The following ARMH1 variants were observed in gnomAD, a reference collection of about 807,000 sequenced individuals.
ARMH1 encodes the protein armadillo-like helical domain containing protein 1.
Under a neutral mutation model 50.2 loss-of-function variants are expected in ARMH1, and 34 were observed. The ratio of observed to expected loss-of-function variants is 0.68; its 90% CI spans 0.51 to 0.90. The LOEUF is 0.90. ARMH1 is among the 40% of genes least tolerant of loss of function. The pLI is 0.00. For synonymous variants in ARMH1, 221 were observed against 224.2 expected (o/e 0.99, Z 0.13); for missense variants, 538 against 553.9 (o/e 0.97, Z 0.29).
intron 10 of ARMH1, 91 bp from the exon 11 acceptor site, chr1:44,725,044 GC>G: frequency 2.0e-6 from 3 of 1,531,780 alleles, no homozygotes; most frequent in African/African-American, 1.4e-5. Flanking sequence ...CTGCCGACCC[GC>G]CCCCCACCTG....
chr1:44,700,725 T>C (rs984080937), intron 4 of ARMH1, among the ~76,000 whole-genome samples, 198 bp from the exon 5 acceptor site: 1 of 152,162 alleles, frequency 6.6e-6, no homozygotes, highest in Non-Finnish European at 1.5e-5. Context: ...GACATGCCTA[T>C]GCTGAAATAA....
rs1053697600 is a variant in ARMH1, at chr1:44,697,175, G to A, written c.275+5G>A. ...CTTCTTATCAGCTGTAAGCAGGTGA[G>A]TTCTGTTCTAGCGTGATTCTGGGGG... On this transcript the variant is annotated splice_donor_5th_base_variant and intron_variant, in intron 3 of 11. Transcript: ENST00000535358. 7.1e-6 allele frequency: 11 copies of A among 1,550,674 alleles called. No homozygotes were observed. Among genetic ancestry groups the A allele is most frequent in the South Asian group, 2.4e-5 (2 of 84,028 alleles).
In ARMH1 at chr1:44,689,883, G is replaced by A. The variant is rs756274979; in HGVS notation, c.186G>A (p.Leu62=). Residue 62 remains leucine, a synonymous_variant, in exon 2 of 12, where the codon TTG becomes TTA. Transcript: ENST00000535358. ...GAGCCAGTTTGTTCCTGGTACGCTTGACCACCTCGCTTAGAATCACGTATC... is the reference window on the plus strand; with the variant it reads ...GAGCCAGTTTGTTCCTGGTACGCTTAACCACCTCGCTTAGAATCACGTATC... The part of the protein sequence containing the change: ...SQGASLFLVR[L]TTSLRITYMT... 2 of 1,550,486 alleles carry A rather than the reference G, an allele frequency of 1.3e-6. No homozygotes were observed. Among genetic ancestry groups the A allele is most frequent in the South Asian group, 2.4e-5 (2 of 83,966 alleles).
chr1:44,714,278 GAA>G (rs879914972), intron 6 of ARMH1, among the ~76,000 whole-genome samples: 1 of 110,354 alleles, frequency 9.1e-6, no homozygotes, highest in Non-Finnish European at 1.9e-5. Context: ...TCAAAAAAAA[GAA>G]AAAAAAAAAA....
At chr1:44,693,745 C>T (rs1176037012) in intron 2 of ARMH1, among the ~76,000 whole-genome samples, 22 of 152,124 alleles carry the variant, frequency 1.4e-4, no homozygotes, top group Admixed American at 1.4e-3. Context: ...TGTGAGCTAC[C>T]ATGTCTGGCC....
chr1:44,721,787 G>C (rs191460263), intron 6 of ARMH1: 5 of 151,876 alleles, frequency 3.3e-5, no homozygotes, highest in Admixed American at 6.6e-5. Context: ...AGAACATTCA[G>C]CCTTGCCTAG....
At chr1:44,688,539 G>C (rs544549645) in intron 1 of ARMH1, among the ~76,000 whole-genome samples, 1 of 152,166 alleles carries the variant, frequency 6.6e-6, no homozygotes, top group Non-Finnish European at 1.5e-5. Flanking sequence ...AACAGTCTTC[G>C]TGAAATACAC....
At chr1:44,680,485 T>C (rs150213857) in intron 1 of ARMH1, among the ~76,000 whole-genome samples, 1 of 152,248 alleles carries the variant, frequency 6.6e-6, no homozygotes, top group African/African-American at 2.4e-5. Flanking sequence ...GGGCCAAGTT[T>C]TGAAGGGCCT....
At position 44,681,227 on chromosome 1, in the gene ARMH1, C is replaced by T. The variant is rs1490078304; in HGVS notation, c.-23+6354C>T. Reference sequence around the variant, plus strand: ...AGCCAGGATGGTCTCGATCTCCTGACCTCGTGATCTGTCTGCCTCAGCCTC... The same window carrying T: ...AGCCAGGATGGTCTCGATCTCCTGATCTCGTGATCTGTCTGCCTCAGCCTC... On this transcript the variant is annotated intron_variant, in intron 1 of 11. Transcript: ENST00000535358. This position sits in a 1 kb window ranked among gnomAD's most constrained non-coding sequence, Gnocchi z 4.3. Among the ~76,000 whole-genome samples, 4 of 152,014 alleles carry T rather than the reference C, an allele frequency of 2.6e-5. No homozygotes were observed. In the East Asian group the frequency reaches 5.8e-4, roughly 22 times the overall value.
intron 1 of ARMH1, among the ~76,000 whole-genome samples, chr1:44,675,856 A>C (rs575595201): frequency 6.6e-6 from 1 of 152,160 alleles, no homozygotes; most frequent in East Asian, 1.9e-4. Context: ...GCTACTTGGG[A>C]GGCTGAGGCA....
intron 6 of ARMH1, chr1:44,721,963 C>A (rs531146479): frequency 6.6e-6 from 1 of 152,282 alleles, no homozygotes; most frequent in East Asian, 1.9e-4. Flanking sequence ...ACTTACGGTG[C>A]CTTTGGACCT....
chr1:44,698,364 C>A, intron 4 of ARMH1, 135 bp downstream of exon 4: 1 of 658,234 alleles, frequency 1.5e-6, no homozygotes, highest in Non-Finnish European at 2.3e-6. Flanking sequence ...GTCCATGTCA[C>A]CACTGGAAGA....
At chr1:44,720,759 G>C (rs1647070217) in intron 6 of ARMH1, among the ~76,000 whole-genome samples, 1 of 152,156 alleles carries the variant, frequency 6.6e-6, no homozygotes, top group Non-Finnish European at 1.5e-5. Flanking sequence ...TCTCAGGCCG[G>C]GCGTGGTGGC....
intron 4 of ARMH1, among the ~76,000 whole-genome samples, chr1:44,698,504 T>C (rs1041932769): frequency 1.3e-5 from 2 of 152,192 alleles, no homozygotes; most frequent in Non-Finnish European, 2.9e-5. Flanking sequence ...TGTGGCCCAA[T>C]ATCTTTTGTG....
At chr1:44,680,021 T>C (rs1645255948) in intron 1 of ARMH1, among the ~76,000 whole-genome samples, 1 of 151,260 alleles carries the variant, frequency 6.6e-6, no homozygotes, top group Non-Finnish European at 1.5e-5. Flanking sequence ...TCCCAGGGAG[T>C]TTGCCAAAGG....
At chr1:44,697,319 G>A (rs542546778) in intron 3 of ARMH1, 149 bp downstream of exon 3, 80 of 648,524 alleles carry the variant, frequency 1.2e-4, no homozygotes, top group African/African-American at 1.0e-3. Flanking sequence ...AATGTCCACC[G>A]GGCTCCTGCT....
chr1:44,699,909 A>G (rs1302953092), intron 4 of ARMH1, among the ~76,000 whole-genome samples: 1 of 149,882 alleles, frequency 6.7e-6, no homozygotes, highest in East Asian at 2.0e-4. Context: ...AGCTCACTAC[A>G]ACCTCCACCT....
At chr1:44,674,969 G>C (rs1413651497) in intron 1 of ARMH1, 96 bp downstream of exon 1, 1 of 152,368 alleles carries the variant, frequency 6.6e-6, no homozygotes, top group Admixed American at 6.5e-5. Context: ...ATGGATGGAT[G>C]GATGGATGGG....
rs1648028562 is a variant in ARMH1, at chr1:44,724,800, G to A, written c.1089G>A (p.Val363=). Reference sequence around the variant, plus strand: ...TGTTCCCCTTGGTGGCGGAGCACGTGCGCAAGTGCATGGGGGAGGAACTCT... The same window carrying A: ...TGTTCCCCTTGGTGGCGGAGCACGTACGCAAGTGCATGGGGGAGGAACTCT... ...VQMFPLVAEH[V]RKCMGEELYQ... is the part of the protein sequence containing the mutation. Residue 363 remains valine (V), a synonymous_variant, in exon 10 of 12, where the codon GTG becomes GTA. Coordinates refer to ENST00000535358, the MANE Select transcript of ARMH1 (RefSeq NM_001145636.2). This position sits in a 1 kb window ranked among gnomAD's most constrained non-coding sequence, Gnocchi z 6.4. 6.5e-7 allele frequency: 1 copy of A among 1,543,654 alleles called. No individual in the cohort carries two copies. Among genetic ancestry groups the A allele is most frequent in the Non-Finnish European group, 8.7e-7 (1 of 1,146,754 alleles).
Sources: allele counts gnomAD v4.1 joint callset (sites outside exome capture counted in the v4.1 genomes callset), GRCh38; gene constraint gnomAD v4.1.1; non-coding constraint Gnocchi (gnomAD v3.1); transcripts MANE v1.5; gene names NCBI Gene and HGNC (gene_info 2026-07-23, HGNC 2026-07-21).